Variants in TMEM132E observed in about 807,000 individuals in gnomAD.
TMEM132E encodes the protein transmembrane protein 132E.
Under a neutral mutation model 78.5 loss-of-function variants are expected in TMEM132E, and 49 were observed. The observed-to-expected ratio is 0.62, with a 90% CI of 0.50 to 0.79. TMEM132E has a LOEUF of 0.79. Among genes scored for constraint, TMEM132E ranks in the 30% least tolerant of loss-of-function variants. TMEM132E has a pLI of 0.00. For synonymous variants in TMEM132E, 715 were observed against 670.6 expected, an observed-to-expected ratio of 1.07 and a Z score of -1.02; for missense variants, 1,403 against 1,470.9, an observed-to-expected ratio of 0.95 and a Z score of 0.75.
In TMEM132E at chr17:34,637,932, G is replaced by A. The variant is rs183101959; in HGVS notation, c.2925G>A (p.Ser975=). The A allele has an allele frequency of 6.2e-7, 1 of 1,605,818 alleles. No individual in the cohort carries two copies. Among genetic ancestry groups the A allele is most frequent in the African/African-American group, 1.3e-5 (1 of 74,958 alleles). Residue 975 remains serine, a synonymous_variant, in exon 9 of 9, where the codon TCG becomes TCA. Coordinates refer to ENST00000631683, the MANE Select transcript of TMEM132E (RefSeq NM_001304438.2). ...GCGACCACCACAGCAGCGGCAGCTC[G>A]CAGACCAGCGTCCAGAGCCAGGTGC... ...CHGDHHSSGS[S]QTSVQSQVHG...
chr17:34,629,905 T>C, intron 4 of TMEM132E, 103 bp from the exon 5 acceptor site: 1 of 1,272,640 alleles, frequency 7.9e-7, no homozygotes, highest in Non-Finnish European at 1.0e-6. Flanking sequence ...AGGATGTGCA[T>C]CTGAGGAGTG....
chr17:34,635,040 G>A lies in TMEM132E; in HGVS notation c.1930G>A (p.Asp644Asn). Residue 644 changes from aspartate to asparagine, a missense_variant, in exon 7 of 9, where the codon GAC becomes AAC. Around this residue, in one of 3 missense-constraint regions of TMEM132E, gnomAD observed 888 missense variants for 952.8 expected, o/e 0.93. Transcript: ENST00000631683. The part of the protein sequence containing the change: ...VGDPRVAHMV[D>N]SSTLAGLEPG... The stretch of plus-strand genomic sequence containing the variant: ...CGATCCCCGAGTGGCACACATGGTG[G>A]ACAGCAGCACGCTGGCAGGACTGGA... 6.2e-7 allele frequency: 1 copy of A among 1,614,116 alleles called. No individual in the cohort carries two copies. Among genetic ancestry groups the A allele is most frequent in the Non-Finnish European group, 8.5e-7 (1 of 1,180,028 alleles).
intron 1 of TMEM132E, among the ~76,000 whole-genome samples, chr17:34,621,662 A>G (rs1906962179): frequency 6.6e-6 from 1 of 152,208 alleles, no homozygotes; most frequent in Admixed American, 6.5e-5. Context: ...CCAGGTCATC[A>G]GCAGGAAGGC....
chr17:34,613,211 A>ACACACACACACGCG lies in TMEM132E; in HGVS notation c.68-12915_68-12914insACACACACACGCGC. On this transcript the variant is annotated intron_variant, in intron 1 of 8. Transcript: ENST00000631683. ...CACACACACACCCACACACACACAC[A>ACACACACACACGCG]CGCGCGCGCGCGCGCGTTCTTACAT... Among the ~76,000 whole-genome samples, 537 of 115,914 alleles carry ACACACACACACGCG rather than the reference A, an allele frequency of 4.6e-3. 7 individuals are homozygous for ACACACACACACGCG. The highest frequency in any genetic ancestry group is 8.4e-3 in the East Asian group (25 of 2,992). The allele number at this position is 115,914 out of a possible 152,430, so 76.0% of individuals were successfully genotyped here. A position where few individuals can be genotyped will look rare whatever the true frequency, so the allele number is the denominator to read the frequency against.
At chr17:34,615,479 G>T (rs1245959433) in intron 1 of TMEM132E, among the ~76,000 whole-genome samples, 2 of 151,448 alleles carry the variant, frequency 1.3e-5, no homozygotes, top group Non-Finnish European at 2.9e-5. Context: ...CCAGGATGGG[G>T]TACAGCAAGG....
intron 1 of TMEM132E, among the ~76,000 whole-genome samples, chr17:34,600,155 A>T (rs1207908645): frequency 6.6e-6 from 1 of 152,256 alleles, no homozygotes; most frequent in South Asian, 2.1e-4. Context: ...TCTAGGACCC[A>T]GAATCCAAGA....
chr17:34,593,315 T>C (rs1231117369), intron 1 of TMEM132E, among the ~76,000 whole-genome samples: 1 of 152,178 alleles, frequency 6.6e-6, no homozygotes. Context: ...ATGAATGAGA[T>C]ACTTTGTTCT....
chr17:34,607,274 T>A (rs147951913), intron 1 of TMEM132E, among the ~76,000 whole-genome samples: 23 of 152,258 alleles, frequency 1.5e-4, no homozygotes, highest in Admixed American at 1.4e-3. Context: ...ACTGTGCACC[T>A]CCTCAAGGGG....
rs1597680982 is a variant in TMEM132E, at chr17:34,603,966, A to G, written c.68-22161A>G. ...ATGGAGCCACCCTCCCTCTACCTAG[A>G]AGCCACATCAGGACAACTGCACCCC... is the stretch of plus-strand genomic sequence containing the variant. On this transcript the variant is annotated intron_variant, in intron 1 of 8. Coordinates refer to ENST00000631683, the MANE Select transcript of TMEM132E (RefSeq NM_001304438.2). Among the ~76,000 whole-genome samples the G allele has an allele frequency of 2.0e-5, 3 of 152,084 alleles. 1 individual carries two copies. In the South Asian group the frequency reaches 6.3e-4, roughly 32 times the overall value.
chr17:34,620,565 A>G (rs896957076), intron 1 of TMEM132E, among the ~76,000 whole-genome samples: 31 of 152,266 alleles, frequency 2.0e-4, no homozygotes, highest in African/African-American at 7.2e-4. Flanking sequence ...ACGGCTTGAG[A>G]GACCTCTGTG....
intron 6 of TMEM132E, 57 bp downstream of exon 6, chr17:34,632,966 G>T: frequency 6.3e-7 from 1 of 1,592,742 alleles, no homozygotes; most frequent in East Asian, 2.2e-5. Context: ...ATACAGCCTC[G>T]GCCCACAGTC....
chr17:34,596,451 A>G (rs962457283), intron 1 of TMEM132E, among the ~76,000 whole-genome samples: 3 of 152,128 alleles, frequency 2.0e-5, no homozygotes, highest in African/African-American at 7.2e-5. Context: ...CTAATCCTCT[A>G]GGCCTCCAGC....
chr17:34,592,825 G>C (rs1000997867), intron 1 of TMEM132E, among the ~76,000 whole-genome samples: 14 of 152,028 alleles, frequency 9.2e-5, no homozygotes, highest in African/African-American at 3.4e-4. Flanking sequence ...CACCCAGAGG[G>C]TCCCCCACCT....
Position 34,628,611 on chromosome 17 carries a change from T to C in TMEM132E, c.1047T>C (p.Ser349=), listed in dbSNP as rs1907237814. Residue 349 remains serine, a synonymous_variant, in exon 3 of 9, where the codon AGT becomes AGC. Coordinates refer to ENST00000631683, the MANE Select transcript of TMEM132E (RefSeq NM_001304438.2). ...CCCTTTTAGGTACCAAGTCACGGAG[T>C]GGCCAGTGGCATGTGACCTCGGAGC... is the stretch of plus-strand genomic sequence containing the variant. ...GVTLLGTKSR[S]GQWHVTSELL... 1 of 1,613,494 alleles carries C rather than the reference T, an allele frequency of 6.2e-7. No individual in the cohort carries two copies. Among genetic ancestry groups the C allele is most frequent in the Non-Finnish European group, 8.5e-7 (1 of 1,179,824 alleles).
chr17:34,615,182 G>C (rs1179465739), intron 1 of TMEM132E, among the ~76,000 whole-genome samples: 1 of 148,594 alleles, frequency 6.7e-6, no homozygotes, highest in African/African-American at 2.5e-5. Flanking sequence ...TTCAGGGGCT[G>C]TCCTGGTGGC....
chr17:34,587,227 C>T (rs2142049383), intron 1 of TMEM132E, among the ~76,000 whole-genome samples: 2 of 152,300 alleles, frequency 1.3e-5, no homozygotes, highest in South Asian at 2.1e-4. Flanking sequence ...CCTGAGAGAA[C>T]AGGCAGCTAG....
At chr17:34,610,543 T>G (rs1318924742) in intron 1 of TMEM132E, among the ~76,000 whole-genome samples, 1 of 152,148 alleles carries the variant, frequency 6.6e-6, no homozygotes, top group Non-Finnish European at 1.5e-5. Flanking sequence ...CAAGGAAGGC[T>G]TCAAAGAGGA....
At chr17:34,609,170 G>A (rs548031672) in intron 1 of TMEM132E, among the ~76,000 whole-genome samples, 2 of 152,320 alleles carry the variant, frequency 1.3e-5, no homozygotes, top group South Asian at 2.1e-4. Context: ...AGTCTGGGGG[G>A]TGTCTGAAGA....
chr17:34,608,296 C>T (rs1428627198), intron 1 of TMEM132E, among the ~76,000 whole-genome samples: 1 of 152,188 alleles, frequency 6.6e-6, no homozygotes, highest in African/African-American at 2.4e-5. Context: ...TGTCACACTT[C>T]CCCAGGACGC....
Sources: gnomAD v4.1 joint callset for allele counts (sites outside exome capture counted in the v4.1 genomes callset) on GRCh38, gnomAD v4.1.1 for gene constraint, gnomAD v4.1.1 regional missense constraint, MANE v1.5 for transcripts, NCBI Gene and HGNC (gene_info 2026-07-23, HGNC 2026-07-21) for gene names.